The following MEIKIN variants were observed in gnomAD, a reference collection of about 807,000 sequenced individuals.
MEIKIN encodes meiotic kinetochore factor, also known as meiosis-specific kinetochore protein.
intron 5 of MEIKIN, among the ~76,000 whole-genome samples, chr5:131,930,217 C>T (rs1363932428): frequency 6.6e-6 from 1 of 152,202 alleles, no homozygotes; most frequent in African/African-American, 2.4e-5. Context: ...TTAATAATAG[C>T]CACCTTGACT....
In MEIKIN at chr5:131,816,681, G is replaced by C. The variant is rs141790350; in HGVS notation, c.1099+2059C>G. On this transcript the variant is annotated intron_variant, in intron 12 of 12. Transcript: ENST00000442687. ...AATGTTTTCCATATATATAAAATTG[G>C]CTTTTTCTTTTGTAGGATCCTGACA... is the stretch of plus-strand genomic sequence containing the variant. Among the ~76,000 whole-genome samples, 1,148 of 152,100 alleles carry C rather than the reference G, an allele frequency of 7.5e-3. 46 individuals carry two copies. Among genetic ancestry groups the C allele is most frequent in the Admixed American group, 0.067 (1,018 of 15,266 alleles).
chr5:131,828,777 G>A (rs1211763875), intron 11 of MEIKIN, among the ~76,000 whole-genome samples: 1 of 152,144 alleles, frequency 6.6e-6, no homozygotes, highest in African/African-American at 2.4e-5. Flanking sequence ...CTCTGACCTT[G>A]ATGTAATTAA....
intron 9 of MEIKIN, among the ~76,000 whole-genome samples, chr5:131,871,652 G>C (rs1404889893): frequency 2.6e-5 from 4 of 152,144 alleles, no homozygotes; most frequent in African/African-American, 9.7e-5. Context: ...AGAGAGTAGT[G>C]GTTCTCCCAG....
chr5:131,866,773 G>A (rs575959521), intron 9 of MEIKIN, among the ~76,000 whole-genome samples: 1 of 152,290 alleles, frequency 6.6e-6, no homozygotes, highest in African/African-American at 2.4e-5. Flanking sequence ...AGGTAATCAT[G>A]AGGAAGTGAA....
intron 6 of MEIKIN, 120 bp from the exon 7 acceptor site, chr5:131,917,045 T>C (rs1422633160): frequency 1.1e-5 from 4 of 377,534 alleles, no homozygotes; most frequent in African/African-American, 6.2e-5. Context: ...ATTGTTTTTA[T>C]GTCTGCCACT....
intron 12 of MEIKIN, among the ~76,000 whole-genome samples, chr5:131,808,209 A>C (rs1362030158): frequency 6.6e-6 from 1 of 152,208 alleles, no homozygotes; most frequent in Non-Finnish European, 1.5e-5. Context: ...CTGACCTCAG[A>C]CACTGCTCGC....
At chr5:131,845,624 C>A (rs559878044) in intron 11 of MEIKIN, among the ~76,000 whole-genome samples, 80 of 144,336 alleles carry the variant, frequency 5.5e-4, no homozygotes, top group African/African-American at 1.8e-3. Context: ...AAAAAAAAAT[C>A]TAGAGCTTAA....
At chr5:131,819,687 C>T (rs1382450613) in intron 11 of MEIKIN, among the ~76,000 whole-genome samples, 8 of 148,582 alleles carry the variant, frequency 5.4e-5, no homozygotes, top group Admixed American at 4.7e-4. Context: ...GCAACCTCTG[C>T]CTCCCACGTT....
chr5:131,899,865 A>G (rs966562154), intron 8 of MEIKIN, among the ~76,000 whole-genome samples: 15 of 152,224 alleles, frequency 9.9e-5, no homozygotes, highest in African/African-American at 3.6e-4. Flanking sequence ...TAATACAAAA[A>G]TTGCTGGAGA....
In MEIKIN at chr5:131,887,736, T is replaced by A. The variant is rs557647635; in HGVS notation, c.704-8688A>T. 1.8e-3 allele frequency among the ~76,000 whole-genome samples: 279 copies of A among 152,050 alleles called. 1 individual carries two copies. The highest frequency in any genetic ancestry group is 6.5e-3 in the African/African-American group (271 of 41,496). On this transcript the variant is annotated intron_variant, in intron 8 of 12. Coordinates refer to ENST00000442687, the MANE Select transcript of MEIKIN (RefSeq NM_001303622.2). ...TTTTATTATTATTATACTTTAAGTTTTAGGGTACATGTGCACAACATGCAG... is the reference window on the plus strand; with the variant it reads ...TTTTATTATTATTATACTTTAAGTTATAGGGTACATGTGCACAACATGCAG...
intron 8 of MEIKIN, among the ~76,000 whole-genome samples, chr5:131,895,446 T>A (rs1751022246): frequency 1.3e-5 from 2 of 152,224 alleles, no homozygotes; most frequent in Non-Finnish European, 2.9e-5. Flanking sequence ...TTGATGGGAA[T>A]AGTTTCAGAA....
chr5:131,927,101 T>C (rs919923127), intron 5 of MEIKIN, among the ~76,000 whole-genome samples: 14 of 152,200 alleles, frequency 9.2e-5, no homozygotes, highest in Admixed American at 5.2e-4. Flanking sequence ...ATTTGAAATT[T>C]TTCTTTTTAA....
At chr5:131,815,537 G>A (rs1430862789) in intron 12 of MEIKIN, among the ~76,000 whole-genome samples, 1 of 152,182 alleles carries the variant, frequency 6.6e-6, no homozygotes, top group Non-Finnish European at 1.5e-5. Context: ...TTCCTCCACA[G>A]GAGACTAATT....
At chr5:131,852,270 G>A (rs1047354578) in intron 10 of MEIKIN, among the ~76,000 whole-genome samples, 5 of 151,974 alleles carry the variant, frequency 3.3e-5, no homozygotes, top group Non-Finnish European at 7.4e-5. Context: ...GAGATCTGAT[G>A]GTTTTATAGG....
intron 11 of MEIKIN, among the ~76,000 whole-genome samples, chr5:131,846,542 A>G (rs919890850): frequency 2.0e-5 from 3 of 152,212 alleles, no homozygotes; most frequent in Admixed American, 6.5e-5. Flanking sequence ...TAAAGTGTTT[A>G]AAAGTATTAT....
At chr5:131,883,273 G>A (rs982956370) in intron 8 of MEIKIN, among the ~76,000 whole-genome samples, 2 of 152,056 alleles carry the variant, frequency 1.3e-5, no homozygotes, top group Non-Finnish European at 2.9e-5. Context: ...GAAGAGTCTA[G>A]GTTAAGAGAA....
At chr5:131,850,612 T>C (rs1325396060) in intron 11 of MEIKIN, among the ~76,000 whole-genome samples, 1 of 152,112 alleles carries the variant, frequency 6.6e-6, no homozygotes, top group African/African-American at 2.4e-5. Context: ...CTGAGAAAAC[T>C]GGATATCTAC....
intron 11 of MEIKIN, among the ~76,000 whole-genome samples, chr5:131,825,465 C>T (rs1471160759): frequency 6.6e-6 from 1 of 152,112 alleles, no homozygotes; most frequent in Non-Finnish European, 1.5e-5. Flanking sequence ...AGTTGTCCTC[C>T]AGTGGAGTCA....
chr5:131,933,104 AT>A (rs1751716474), intron 5 of MEIKIN, among the ~76,000 whole-genome samples: 2 of 152,218 alleles, frequency 1.3e-5, no homozygotes, highest in South Asian at 4.1e-4. Flanking sequence ...TATATGTATA[AT>A]AAATGTAAAT....
Sources: allele counts gnomAD v4.1 joint callset (sites outside exome capture counted in the v4.1 genomes callset), GRCh38; gene constraint gnomAD v4.1.1; transcripts MANE v1.5; gene names NCBI Gene and HGNC (gene_info 2026-07-23, HGNC 2026-07-21).